The following LARGE1 variants were observed in gnomAD, a reference collection of about 807,000 sequenced individuals.
The protein encoded by LARGE1 is LARGE xylosyl- and glucuronyltransferase 1, also known as xylosyl- and glucuronyltransferase LARGE1.
A neutral mutation model predicts 87.6 loss-of-function variants in LARGE1; 43 were observed. The ratio of observed to expected loss-of-function variants is 0.49; its 90% CI spans 0.38 to 0.63. LARGE1 has a LOEUF of 0.63. Among genes scored for constraint, LARGE1 ranks in the 30% least tolerant of loss-of-function variants. The probability of loss-of-function intolerance (pLI) is 0.00; values close to 1 mark genes in which losing one functional copy is unlikely to be tolerated. For missense variants in LARGE1, 802 were observed against 1,000.2 expected, an observed-to-expected ratio of 0.80 and a Z score of 2.67; for synonymous variants, 434 against 394.6, an observed-to-expected ratio of 1.10 and a Z score of -1.18.
intron 1 of LARGE1, among the ~76,000 whole-genome samples, chr22:33,909,333 A>G (rs529195641): frequency 1.3e-5 from 2 of 152,212 alleles, no homozygotes; most frequent in South Asian, 2.1e-4. Context: ...TTAGAACTTC[A>G]TATATGAACT....
At chr22:33,376,796 T>C (rs1035799982) in intron 9 of LARGE1, among the ~76,000 whole-genome samples, 2 of 152,246 alleles carry the variant, frequency 1.3e-5, no homozygotes, top group Non-Finnish European at 2.9e-5. Flanking sequence ...GTACGAATCC[T>C]AACAGTATAA....
At chr22:33,854,879 G>A (rs1487266863) in intron 1 of LARGE1, among the ~76,000 whole-genome samples, 1 of 152,164 alleles carries the variant, frequency 6.6e-6, no homozygotes, top group East Asian at 1.9e-4. Flanking sequence ...AGGTGCTGTG[G>A]GGTGCCATGT....
At chr22:33,196,974 G>C (rs1339288947) in intron 11 of LARGE1, among the ~76,000 whole-genome samples, 2 of 152,020 alleles carry the variant, frequency 1.3e-5, no homozygotes, top group African/African-American at 2.4e-5. Context: ...CCCATGATGT[G>C]GTTTTCCCAG....
intron 11 of LARGE1, among the ~76,000 whole-genome samples, chr22:33,167,785 G>GTACT (rs1922350269): frequency 6.6e-6 from 1 of 152,098 alleles, no homozygotes; most frequent in Non-Finnish European, 1.5e-5. Flanking sequence ...TTCCAGCTAA[G>GTACT]CCTTGGAGTA....
Position 33,918,327 on chromosome 22 carries a change from G to A in LARGE1, c.-83+1668C>T, listed in dbSNP as rs1051107009. On this transcript the variant is annotated intron_variant, in intron 1 of 14. Transcript: ENST00000397394. ...CACTCCAGAGCAATCCGATCTTCCC[G>A]TTAAAAACCTCTCTCTCCTGCCAGG... 3.3e-5 allele frequency among the ~76,000 whole-genome samples: 5 copies of A among 152,190 alleles called. No homozygotes were observed. In the South Asian group the frequency reaches 8.3e-4, roughly 25 times the overall value.
chr22:33,867,589 A>G lies in LARGE1; in HGVS notation c.-83+52406T>C, dbSNP rs557809095. ...GTGGCACTATGCTGCCTGCGTTTCTATTTCCAAAATCTGAAAGCTCTGTTT... is the reference window on the plus strand; with the variant it reads ...GTGGCACTATGCTGCCTGCGTTTCTGTTTCCAAAATCTGAAAGCTCTGTTT... On this transcript the variant is annotated intron_variant, in intron 1 of 14. Transcript: ENST00000397394. Among the ~76,000 whole-genome samples the G allele has an allele frequency of 3.3e-5, 5 of 152,170 alleles. No homozygotes were observed. In the South Asian group the frequency reaches 6.2e-4, roughly 19 times the overall value.
chr22:33,643,056 A>G (rs1299657019), intron 3 of LARGE1, among the ~76,000 whole-genome samples: 1 of 152,192 alleles, frequency 6.6e-6, no homozygotes, highest in African/African-American at 2.4e-5. Context: ...CTTAATAAAT[A>G]TCTACGGAAC....
chr22:33,443,244 CACCT>C (rs2067553816), intron 6 of LARGE1, among the ~76,000 whole-genome samples: 1 of 152,194 alleles, frequency 6.6e-6, no homozygotes, highest in African/African-American at 2.4e-5. Context: ...ATTGCATTCC[CACCT>C]CTCAGTTACA....
At chr22:33,483,048 A>G (rs2069401223) in intron 6 of LARGE1, among the ~76,000 whole-genome samples, 1 of 152,192 alleles carries the variant, frequency 6.6e-6, no homozygotes, top group Middle Eastern at 3.2e-3. Flanking sequence ...GTGTATCTTC[A>G]TTAGGTTGTA....
intron 11 of LARGE1, among the ~76,000 whole-genome samples, chr22:33,183,002 A>C (rs758728738): frequency 6.6e-6 from 1 of 152,186 alleles, no homozygotes; most frequent in Non-Finnish European, 1.5e-5. Context: ...ACAGTGTAGG[A>C]AACAGTCGAC....
At chr22:33,397,299 G>C (rs2065782687) in intron 7 of LARGE1, among the ~76,000 whole-genome samples, 1 of 152,090 alleles carries the variant, frequency 6.6e-6, no homozygotes, top group Admixed American at 6.5e-5. Context: ...ATTTTTAGTA[G>C]AGACGGGGTT....
intron 7 of LARGE1, among the ~76,000 whole-genome samples, chr22:33,401,716 A>G (rs2065931227): frequency 6.6e-6 from 1 of 152,222 alleles, no homozygotes. Flanking sequence ...GAGAGGAAGC[A>G]TCTATATAGA....
At chr22:33,610,115 T>C (rs145071214) in intron 4 of LARGE1, among the ~76,000 whole-genome samples, 1,567 of 152,258 alleles carry the variant, frequency 0.01, 9 homozygotes, top group South Asian at 0.035. Flanking sequence ...TAGGTGTTTA[T>C]AGCAAGGCAA....
intron 11 of LARGE1, among the ~76,000 whole-genome samples, chr22:33,192,251 T>G (rs1237300851): frequency 6.6e-6 from 1 of 152,224 alleles, no homozygotes; most frequent in Non-Finnish European, 1.5e-5. Flanking sequence ...AACTGAGACA[T>G]CCGAAAGGTG....
chr22:33,242,949 AT>A (rs1292631203), intron 11 of LARGE1, among the ~76,000 whole-genome samples: 1 of 152,084 alleles, frequency 6.6e-6, no homozygotes, highest in African/African-American at 2.4e-5. Context: ...TCCACATGGC[AT>A]TTTCCCTGTG....
chr22:33,626,394 C>A, intron 3 of LARGE1, 68 bp from the exon 4 acceptor site: 1 of 1,260,874 alleles, frequency 7.9e-7, no homozygotes. Flanking sequence ...TGCTTCAGAT[C>A]ACACTAGAAA....
chr22:33,289,013 C>T (rs1043406953), intron 12 of LARGE1, among the ~76,000 whole-genome samples: 5 of 151,988 alleles, frequency 3.3e-5, no homozygotes, highest in African/African-American at 9.7e-5. Context: ...GGCTGGAGTG[C>T]GGTGGTGCGA....
intron 6 of LARGE1, among the ~76,000 whole-genome samples, chr22:33,462,100 T>G (rs1314138376): frequency 6.6e-6 from 1 of 152,210 alleles, no homozygotes; most frequent in African/African-American, 2.4e-5. Context: ...TATACAATTT[T>G]ATGATAAAAG....
the LARGE1 span, among the ~76,000 whole-genome samples, chr22:33,154,168 G>T: frequency 7.0e-6 from 1 of 143,466 alleles, no homozygotes. Context: ...CTTGTTATAT[G>T]GAAAAAAAAA....
Sources: gnomAD v4.1 joint callset for allele counts (sites outside exome capture counted in the v4.1 genomes callset) on GRCh38, gnomAD v4.1.1 for gene constraint, MANE v1.5 for transcripts, NCBI Gene and HGNC (gene_info 2026-07-23, HGNC 2026-07-21) for gene names.